STARD13: variants seen among roughly 807,000 people sequenced by gnomAD.
STARD13 encodes stAR-related lipid transfer protein 13.
A neutral mutation model predicts 106.4 loss-of-function variants in STARD13; 62 were observed. The ratio of observed to expected loss-of-function variants is 0.58; its 90% confidence interval spans 0.48 to 0.72. The LOEUF (loss-of-function observed/expected upper bound fraction) is 0.72, where lower values mean the gene tolerates loss of function less well. STARD13 is among the 30% of genes least tolerant of loss of function. The pLI, the probability that STARD13 is intolerant of heterozygous loss-of-function variation, is 0.00. For missense variants in STARD13, 1,387 were observed against 1,424.0 expected, an observed-to-expected ratio of 0.97 and a Z score of 0.42; for synonymous variants, 565 against 553.0, an observed-to-expected ratio of 1.02 and a Z score of -0.31.
chr13:33,599,900 G>C, the STARD13 span, among the ~76,000 whole-genome samples: 1 of 152,308 alleles, frequency 6.6e-6, no homozygotes, highest in East Asian at 1.9e-4. Flanking sequence ...CTGAAACTGA[G>C]TGTTCAAATG....
At chr13:33,137,323 T>C (rs1380315524) in intron 4 of STARD13, among the ~76,000 whole-genome samples, 2 of 152,224 alleles carry the variant, frequency 1.3e-5, no homozygotes, top group Non-Finnish European at 2.9e-5. Flanking sequence ...TTTAGGTGTA[T>C]GCACCATAAG....
chr13:33,242,743 C>T (rs1471430686), intron 1 of STARD13, among the ~76,000 whole-genome samples: 1 of 150,670 alleles, frequency 6.6e-6, no homozygotes, highest in African/African-American at 2.5e-5. Context: ...CAAGAATGAT[C>T]AGTAAATACT....
At chr13:33,560,624 A>C in the STARD13 span, among the ~76,000 whole-genome samples, 32 of 151,658 alleles carry the variant, frequency 2.1e-4, no homozygotes, top group South Asian at 5.0e-3. Context: ...CAGAGCAGAG[A>C]AAATAACCAC....
At position 33,217,764 on chromosome 13, in the gene STARD13, C is replaced by T. The variant is rs147694898; in HGVS notation, c.170-50142G>A. 9.7e-3 allele frequency among the ~76,000 whole-genome samples: 1,471 copies of T among 152,270 alleles called. 19 individuals carry two copies. Among genetic ancestry groups the T allele is most frequent in the Non-Finnish European group, 0.016 (1,073 of 68,028 alleles). The stretch of plus-strand genomic sequence containing the variant: ...CATGAAAAATATTTTAAAAGTTAAG[C>T]TCAAAATTGTTTTTTAAATGCAGCT... On this transcript the variant is annotated intron_variant, in intron 1 of 13. Transcript: ENST00000336934.
At chr13:33,340,369 G>A (rs1165474440) in intron 1 of STARD13, among the ~76,000 whole-genome samples, 1 of 151,130 alleles carries the variant, frequency 6.6e-6, no homozygotes. Context: ...ACCATGTTCA[G>A]CTAATTTTCT....
intron 12 of STARD13, among the ~76,000 whole-genome samples, chr13:33,109,334 G>T (rs757874029): frequency 6.6e-6 from 1 of 152,130 alleles, no homozygotes; most frequent in Non-Finnish European, 1.5e-5. Flanking sequence ...TCAATCAGAA[G>T]AAATATTTCC....
the STARD13 span, among the ~76,000 whole-genome samples, chr13:33,535,887 G>A: frequency 6.6e-6 from 1 of 152,146 alleles, no homozygotes; most frequent in East Asian, 1.9e-4. Flanking sequence ...AAGGCGAGAT[G>A]GCAGTCCGAA....
the STARD13 span, among the ~76,000 whole-genome samples, chr13:33,397,116 G>A: frequency 6.6e-6 from 1 of 152,190 alleles, no homozygotes; most frequent in Non-Finnish European, 1.5e-5. Flanking sequence ...GAAACTCCAT[G>A]AGGCCAGGAA....
At chr13:33,612,241 C>A in the STARD13 span, among the ~76,000 whole-genome samples, 1 of 152,148 alleles carries the variant, frequency 6.6e-6, no homozygotes, top group African/African-American at 2.4e-5. Context: ...CTAAACAGTG[C>A]CTTGGTAAAA....
At chr13:33,269,358 T>G (rs1891050158) in intron 1 of STARD13, among the ~76,000 whole-genome samples, 1 of 152,206 alleles carries the variant, frequency 6.6e-6, no homozygotes, top group Non-Finnish European at 1.5e-5. Context: ...TCCTAAGACT[T>G]TCCAGCTCAG....
At chr13:33,284,782 G>A (rs1288794905) in intron 1 of STARD13, among the ~76,000 whole-genome samples, 1 of 151,830 alleles carries the variant, frequency 6.6e-6, no homozygotes, top group Non-Finnish European at 1.5e-5. Flanking sequence ...TTCCAGGCTG[G>A]TATTTTGAGG....
intron 1 of STARD13, among the ~76,000 whole-genome samples, chr13:33,257,079 G>A (rs959095131): frequency 1.3e-5 from 2 of 152,166 alleles, no homozygotes; most frequent in Non-Finnish European, 2.9e-5. Context: ...ATATTCAGTT[G>A]TTAAACTTGT....
chr13:33,434,084 G>T, the STARD13 span, among the ~76,000 whole-genome samples: 1 of 152,142 alleles, frequency 6.6e-6, no homozygotes, highest in Non-Finnish European at 1.5e-5. Context: ...CAGGCGCTGT[G>T]GCTCACGCCT....
At chr13:33,170,264 A>G (rs2138388832) in intron 1 of STARD13, among the ~76,000 whole-genome samples, 1 of 152,298 alleles carries the variant, frequency 6.6e-6, no homozygotes, top group South Asian at 2.1e-4. Context: ...TATCTCATGT[A>G]CCCCATAAAT....
chr13:33,526,039 ATT>A, the STARD13 span, among the ~76,000 whole-genome samples: 1 of 152,070 alleles, frequency 6.6e-6, no homozygotes, highest in Non-Finnish European at 1.5e-5. Context: ...TAAAAATTAT[ATT>A]TCTCTTGCTT....
intron 3 of STARD13, 115 bp downstream of exon 3, chr13:33,165,222 C>A: frequency 2.5e-6 from 2 of 796,830 alleles, no homozygotes; most frequent in South Asian, 2.9e-5. Flanking sequence ...CTGGGTCAGG[C>A]ACATGGTAGG....
the STARD13 span, among the ~76,000 whole-genome samples, chr13:33,574,913 C>CT: frequency 0.026 from 3,055 of 117,534 alleles, 155 homozygotes; most frequent in African/African-American, 0.056. Context: ...TATGCATCTA[C>CT]TTTTTTTTTT....
At chr13:33,217,956 A>G (rs1331079961) in intron 1 of STARD13, among the ~76,000 whole-genome samples, 3 of 150,280 alleles carry the variant, frequency 2.0e-5, no homozygotes, top group Non-Finnish European at 4.4e-5. Context: ...TGTCTACTTC[A>G]TGGCAAAGCT....
intron 12 of STARD13, among the ~76,000 whole-genome samples, chr13:33,108,016 C>A (rs958037290): frequency 1.3e-5 from 2 of 152,224 alleles, no homozygotes; most frequent in Admixed American, 6.5e-5. Context: ...CACACAAATG[C>A]TCAGCGACTT....
Sources: allele counts gnomAD v4.1 joint callset (sites outside exome capture counted in the v4.1 genomes callset), GRCh38; gene constraint gnomAD v4.1.1; transcripts MANE v1.5; gene names NCBI Gene and HGNC (gene_info 2026-07-23, HGNC 2026-07-21).